MDGA2: variants seen among roughly 807,000 people sequenced by gnomAD.
MDGA2 encodes the protein MAM domain-containing glycosylphosphatidylinositol anchor protein 2.
MDGA2 carries 40 observed loss-of-function variants against 117.8 expected under a neutral mutation model. That is an observed-to-expected ratio of 0.34 (90% CI 0.26 to 0.44). MDGA2 has a LOEUF of 0.44. Ranked by LOEUF, MDGA2 falls within the 20% of genes least tolerant of loss-of-function variation. The probability of loss-of-function intolerance (pLI) is 1.00; values close to 1 mark genes in which losing one functional copy is unlikely to be tolerated. For missense variants in MDGA2, 1,123 were observed against 1,250.6 expected, an observed-to-expected ratio of 0.90 and a Z score of 1.54; for synonymous variants, 452 against 439.0, an observed-to-expected ratio of 1.03 and a Z score of -0.37.
rs1880625623 is a variant in MDGA2 at position 46,841,864 on chromosome 14, CA to C, written c.*66del. 4 of 1,040,318 alleles carry C rather than the reference CA, an allele frequency of 3.8e-6. No individual in the cohort carries two copies. The highest frequency in any genetic ancestry group is 5.7e-6 in the Non-Finnish European group (4 of 695,686). 64.4% of individuals were successfully genotyped at this position (1,040,318 alleles called of 1,614,324 possible). A position where few individuals can be genotyped will look rare whatever the true frequency, so the allele number is the denominator to read the frequency against. On this transcript the variant is annotated 3_prime_UTR_variant, in exon 17 of 17. Coordinates refer to ENST00000399232, the MANE Select transcript of MDGA2 (RefSeq NM_001113498.3). ...TTTGGTAGTTTGTTTGTTCAATGTC[CA>C]TTTACAAAGACTCTTTCTTCATGCC...
At chr14:46,858,565 C>G (rs553120137) in intron 14 of MDGA2, among the ~76,000 whole-genome samples, 9 of 151,646 alleles carry the variant, frequency 5.9e-5, no homozygotes, top group Non-Finnish European at 8.8e-5. Context: ...GTAGCTGGGA[C>G]TACAGGCGCC....
chr14:47,042,609 T>C (rs1223378958), intron 7 of MDGA2, among the ~76,000 whole-genome samples: 1 of 152,140 alleles, frequency 6.6e-6, no homozygotes, highest in Non-Finnish European at 1.5e-5. Flanking sequence ...ATGGATATAC[T>C]CGGATTTTGA....
Position 47,035,144 on chromosome 14 carries a change from C to A in MDGA2, c.1686G>T (p.Met562Ile), listed in dbSNP as rs202227256. The A allele has an allele frequency of 5.9e-4, 955 of 1,614,128 alleles. No individual in the cohort carries two copies. The highest frequency in any genetic ancestry group is 7.4e-4 in the Non-Finnish European group (878 of 1,180,020). Residue 562 changes from methionine to isoleucine, a missense_variant, in exon 8 of 17, where the codon ATG (methionine) becomes ATT (isoleucine). Physicochemically the swap from Met to Ile is conservative, Grantham distance 10 (BLOSUM62 1). Around this residue, in one of 2 missense-constraint regions of MDGA2, gnomAD observed 890 missense variants for 1,050.3 expected, o/e 0.85. Coordinates refer to ENST00000399232, the MANE Select transcript of MDGA2 (RefSeq NM_001113498.3). ...TCCTCAGTGTTCCATCATAACTCTC[C>A]ATTTGCATTGATCCATCAGGCATTG... Reference protein sequence around the residue: ...EVAMPDGSMQMESYDGTLRIV... With the variant: ...EVAMPDGSMQIESYDGTLRIV...
At chr14:47,257,729 C>G (rs550733680) in intron 2 of MDGA2, among the ~76,000 whole-genome samples, 5 of 152,206 alleles carry the variant, frequency 3.3e-5, no homozygotes, top group Non-Finnish European at 5.9e-5. Flanking sequence ...GAAAGCGTCA[C>G]TTGGCCTGAA....
At chr14:46,931,426 T>G (rs951466958) in intron 9 of MDGA2, among the ~76,000 whole-genome samples, 3 of 151,944 alleles carry the variant, frequency 2.0e-5, no homozygotes, top group African/African-American at 4.8e-5. Flanking sequence ...ATGTACCACG[T>G]TTTTCAGTAG....
At chr14:47,289,597 C>T (rs1189954065) in intron 2 of MDGA2, among the ~76,000 whole-genome samples, 1 of 151,876 alleles carries the variant, frequency 6.6e-6, no homozygotes, top group Non-Finnish European at 1.5e-5. Flanking sequence ...TGTAACTGTT[C>T]AGAATTTCCA....
intron 10 of MDGA2, among the ~76,000 whole-genome samples, chr14:46,894,067 C>T (rs185754611): frequency 1.8e-4 from 28 of 151,990 alleles, no homozygotes; most frequent in Middle Eastern, 3.4e-3. Context: ...CTAAGAAAAA[C>T]GAAAAGTAGT....
chr14:47,536,964 TTCTG>T lies in MDGA2; in HGVS notation c.280+137549_280+137552del, dbSNP rs776339664. Among the ~76,000 whole-genome samples, 216 of 152,288 alleles carry T rather than the reference TTCTG, an allele frequency of 1.4e-3. 1 individual carries two copies. Among genetic ancestry groups the T allele is most frequent in the Non-Finnish European group, 2.2e-3 (148 of 68,036 alleles). On this transcript the variant is annotated intron_variant, in intron 1 of 16. Transcript: ENST00000399232. Reference sequence around the variant, plus strand: ...CACATAACAAAAGAAGTAGACATCTTTCTGTCTGTTCAAAAGTAAAATATGACAC... The same window carrying T: ...CACATAACAAAAGAAGTAGACATCTTTCTGTTCAAAAGTAAAATATGACAC...
intron 1 of MDGA2, among the ~76,000 whole-genome samples, chr14:47,616,527 C>T (rs1437901075): frequency 6.6e-6 from 1 of 152,094 alleles, no homozygotes. Flanking sequence ...TGAGGCCTGT[C>T]TTGAGTTTCC....
At chr14:47,547,843 C>A (rs1308863769) in intron 1 of MDGA2, among the ~76,000 whole-genome samples, 1 of 151,960 alleles carries the variant, frequency 6.6e-6, no homozygotes, top group African/African-American at 2.4e-5. Context: ...AAATTATATC[C>A]CTAGGTTTAG....
intron 8 of MDGA2, among the ~76,000 whole-genome samples, chr14:46,989,370 C>G (rs887639083): frequency 2.0e-5 from 3 of 151,894 alleles, no homozygotes; most frequent in Non-Finnish European, 4.4e-5. Flanking sequence ...AAAGACTTGC[C>G]TTGGGTAACA....
intron 8 of MDGA2, among the ~76,000 whole-genome samples, chr14:46,986,492 C>A (rs1886863157): frequency 7.0e-6 from 1 of 141,906 alleles, no homozygotes; most frequent in Non-Finnish European, 1.5e-5. Flanking sequence ...CCAGAATATC[C>A]CAATCATATT....
intron 1 of MDGA2, among the ~76,000 whole-genome samples, chr14:47,465,380 A>T (rs1326810899): frequency 5.3e-5 from 8 of 152,144 alleles, no homozygotes; most frequent in Non-Finnish European, 8.8e-5. Context: ...GACATTATTA[A>T]CAGAGTAAAC....
intron 3 of MDGA2, among the ~76,000 whole-genome samples, chr14:47,204,354 G>T (rs960334184): frequency 1.3e-5 from 2 of 151,952 alleles, no homozygotes; most frequent in African/African-American, 4.8e-5. Context: ...GTTGATTTAT[G>T]CATATATGTC....
intron 16 of MDGA2, among the ~76,000 whole-genome samples, chr14:46,844,660 T>C (rs867487884): frequency 6.6e-6 from 1 of 152,128 alleles, no homozygotes; most frequent in Non-Finnish European, 1.5e-5. Flanking sequence ...TATGCTGACA[T>C]GGTAAGGCTT....
chr14:47,328,908 A>C (rs901097074), intron 1 of MDGA2, among the ~76,000 whole-genome samples: 1 of 152,166 alleles, frequency 6.6e-6, no homozygotes, highest in African/African-American at 2.4e-5. Flanking sequence ...AAAGATAAGA[A>C]TCATAGCAAC....
At chr14:47,250,900 G>T (rs1484557064) in intron 2 of MDGA2, among the ~76,000 whole-genome samples, 2 of 152,098 alleles carry the variant, frequency 1.3e-5, no homozygotes, top group East Asian at 3.9e-4. Context: ...AATCTGGGAG[G>T]AGCTGCATCT....
intron 1 of MDGA2, among the ~76,000 whole-genome samples, chr14:47,304,788 T>C (rs899437171): frequency 1.3e-5 from 2 of 152,102 alleles, no homozygotes; most frequent in Non-Finnish European, 2.9e-5. Flanking sequence ...AAAGTCCCAT[T>C]TCTCTGTAAT....
chr14:47,660,720 G>A (rs538547686), intron 1 of MDGA2, among the ~76,000 whole-genome samples: 1 of 147,648 alleles, frequency 6.8e-6, no homozygotes, highest in Non-Finnish European at 1.5e-5. Flanking sequence ...AATCAGCCTA[G>A]GGAGAAATAA....
Sources: allele counts gnomAD v4.1 joint callset (sites outside exome capture counted in the v4.1 genomes callset), GRCh38; gene constraint gnomAD v4.1.1; regional missense constraint gnomAD v4.1.1; transcripts MANE v1.5; gene names NCBI Gene and HGNC (gene_info 2026-07-23, HGNC 2026-07-21).